Variants in RBM34 observed in about 807,000 individuals in gnomAD.
RBM34 encodes the protein RNA-binding protein 34.
A neutral mutation model predicts 44.6 loss-of-function variants in RBM34; 39 were observed. The observed-to-expected ratio is 0.87, with a 90% CI of 0.68 to 1.14. The LOEUF is 1.14. RBM34 is among the 50% of genes most tolerant of loss of function. The probability of loss-of-function intolerance (pLI) is 0.00; values close to 1 mark genes in which losing one functional copy is unlikely to be tolerated. For missense variants in RBM34, 572 were observed against 517.9 expected (o/e 1.10, Z -1.01); for synonymous variants, 194 against 184.0 (o/e 1.05, Z -0.44).
intron 6 of RBM34, among the ~76,000 whole-genome samples, chr1:235,146,542 G>C (rs532298029): frequency 6.6e-6 from 1 of 152,296 alleles, no homozygotes; most frequent in South Asian, 2.1e-4. Flanking sequence ...GATGTCTCTA[G>C]AAGCTTACAT....
At chr1:235,132,411 C>T (rs1439072290) in intron 10 of RBM34, among the ~76,000 whole-genome samples, 3 of 152,130 alleles carry the variant, frequency 2.0e-5, no homozygotes, top group African/African-American at 4.8e-5. Flanking sequence ...TGAGTTCAAG[C>T]GATTCTCTTG....
Position 235,155,158 on chromosome 1 carries a change from T to G in RBM34, c.366-46A>C. On this transcript the variant is annotated intron_variant, in intron 3 of 10. Coordinates refer to ENST00000408888, the MANE Select transcript of RBM34 (RefSeq NM_015014.4). ...AATAAGCAGTAAGAGTCATGCCAGTTAGGTCTAGTATTTGACAAAGCACAG... is the reference window on the plus strand; with the variant it reads ...AATAAGCAGTAAGAGTCATGCCAGTGAGGTCTAGTATTTGACAAAGCACAG... 2.0e-6 allele frequency: 3 copies of G among 1,484,522 alleles called. 1 individual carries two copies. In the South Asian group the frequency reaches 3.5e-5, roughly 17 times the overall value. 92.0% of individuals were successfully genotyped at this position (1,484,522 alleles called of 1,614,324 possible). A position where few individuals can be genotyped will look rare whatever the true frequency, so the allele number is the denominator to read the frequency against.
intron 6 of RBM34, among the ~76,000 whole-genome samples, chr1:235,140,667 T>C (rs937418065): frequency 6.6e-6 from 1 of 152,134 alleles, no homozygotes; most frequent in African/African-American, 2.4e-5. Flanking sequence ...ACCAAAGGGC[T>C]GGGGAGTGCA....
At chr1:235,146,893 T>C (rs989899501) in intron 6 of RBM34, among the ~76,000 whole-genome samples, 1 of 152,192 alleles carries the variant, frequency 6.6e-6, no homozygotes, top group South Asian at 2.1e-4. Flanking sequence ...AGTGCTGGGA[T>C]TACAGGTGTG....
At chr1:235,140,383 C>T (rs905197671) in intron 6 of RBM34, among the ~76,000 whole-genome samples, 7 of 152,126 alleles carry the variant, frequency 4.6e-5, no homozygotes, top group Non-Finnish European at 7.4e-5. Flanking sequence ...TCGGAGCAGC[C>T]GGCCGGCCCT....
intron 3 of RBM34, among the ~76,000 whole-genome samples, chr1:235,157,502 T>C (rs1662501984): frequency 6.6e-6 from 1 of 151,852 alleles, no homozygotes; most frequent in Admixed American, 6.6e-5. Flanking sequence ...TCTTACCTGG[T>C]GGTACATATG....
chr1:235,153,518 G>A (rs968974304), intron 4 of RBM34, among the ~76,000 whole-genome samples: 1 of 151,538 alleles, frequency 6.6e-6, no homozygotes, highest in African/African-American at 2.4e-5. Context: ...TCCCCCTCCT[G>A]GGTTCAAGCA....
chr1:235,131,868 C>A lies in RBM34; in HGVS notation c.1138G>T (p.Val380Phe). 6.2e-7 allele frequency: 1 copy of A among 1,614,144 alleles called. No homozygotes were observed. The highest frequency in any genetic ancestry group is 2.2e-5 in the East Asian group (1 of 44,874). ...TTAAGTCCCTGCTTAGGTTTACTGA[C>A]ATTCTTCAATCGTGGATTTGAATTT... Reference protein sequence around the residue: ...QQNSNPRLKNVSKPKQGLNFT... With the variant: ...QQNSNPRLKNFSKPKQGLNFT... Residue 380 changes from valine (V) to phenylalanine (F), a missense_variant, in exon 11 of 11, where the codon GTC (valine) becomes TTC (phenylalanine). Physicochemically the swap from Val to Phe is conservative, Grantham distance 50. Coordinates refer to ENST00000408888, the MANE Select transcript of RBM34 (RefSeq NM_015014.4).
chr1:235,146,160 C>T (rs1661899658), intron 6 of RBM34, among the ~76,000 whole-genome samples: 1 of 151,410 alleles, frequency 6.6e-6, no homozygotes, highest in African/African-American at 2.4e-5. Flanking sequence ...TGCCATTTTG[C>T]CCAGGGAGGT....
In RBM34 at chr1:235,148,422, T is replaced by C. The variant is rs1662001401; in HGVS notation, c.683A>G (p.Lys228Arg). 6.3e-7 allele frequency: 1 copy of C among 1,598,884 alleles called. No homozygotes were observed. Among genetic ancestry groups the C allele is most frequent in the Non-Finnish European group, 8.5e-7 (1 of 1,173,862 alleles). The change falls in exon 6 of 11, where the codon AAA (lysine) becomes AGA (arginine). Residue 228 changes from lysine (K) to arginine (R), a missense_variant. Transcript: ENST00000408888. Reference sequence around the variant, plus strand: ...AACTTACTTTATTGCTGCCAACTTTTTGGATAGCGTTCCCTCTGCTGGAAT... The same window carrying C: ...AACTTACTTTATTGCTGCCAACTTTCTGGATAGCGTTCCCTCTGCTGGAAT... ...SLIPAEGTLS[K>R]KLAAIKRKIH...
At chr1:235,157,550 T>TA (rs2102864787) in intron 3 of RBM34, among the ~76,000 whole-genome samples, 1 of 151,184 alleles carries the variant, frequency 6.6e-6, no homozygotes, top group East Asian at 1.9e-4. Flanking sequence ...CAAACAAACA[T>TA]ACATGTCTGG....
rs1662714941 is a variant in RBM34, at chr1:235,161,247, G to A, written c.-21C>T. The A allele has an allele frequency of 1.2e-6, 2 of 1,613,036 alleles. No homozygotes were observed. Among genetic ancestry groups the A allele is most frequent in the Admixed American group, 1.7e-5 (1 of 59,956 alleles). ...GCCATTCTTACTCCAAAGACTCCCAGACTGCAGCTGCGCGCCAGCTCGCAC... is the reference window on the plus strand; with the variant it reads ...GCCATTCTTACTCCAAAGACTCCCAAACTGCAGCTGCGCGCCAGCTCGCAC... On this transcript the variant is annotated 5_prime_UTR_variant, in exon 1 of 11. Transcript: ENST00000408888.
At chr1:235,148,327 G>T in intron 6 of RBM34, 77 bp downstream of exon 6, 2 of 1,104,622 alleles carry the variant, frequency 1.8e-6, no homozygotes, top group Non-Finnish European at 2.6e-6. Context: ...CTATGCAATT[G>T]TTAAGAAATG....
intron 6 of RBM34, among the ~76,000 whole-genome samples, chr1:235,144,517 G>T (rs916970613): frequency 2.8e-5 from 4 of 141,466 alleles, no homozygotes; most frequent in African/African-American, 1.1e-4. Flanking sequence ...AAAAAAAAAG[G>T]TTTTAAACAT....
intron 10 of RBM34, among the ~76,000 whole-genome samples, chr1:235,133,803 T>C (rs2102822464): frequency 6.6e-6 from 1 of 152,334 alleles, no homozygotes; most frequent in Admixed American, 6.5e-5. Flanking sequence ...ATATATATAC[T>C]GTTTGCTATG....
intron 3 of RBM34, 163 bp downstream of exon 3, chr1:235,160,348 G>C (rs1432152756): frequency 1.1e-6 from 1 of 874,942 alleles, no homozygotes; most frequent in African/African-American, 1.7e-5. Context: ...TGAGTACACG[G>C]GGTTTCTTAG....
At chr1:235,142,192 T>G (rs987572653) in intron 6 of RBM34, among the ~76,000 whole-genome samples, 2 of 152,132 alleles carry the variant, frequency 1.3e-5, no homozygotes, top group Admixed American at 6.5e-5. Flanking sequence ...TCAGGTGCAC[T>G]CCTGAGACAC....
Position 235,161,212 on chromosome 1 carries a change from C to T in RBM34, c.15G>A (p.Gly5=). 1 of 1,612,128 alleles carries T rather than the reference C, an allele frequency of 6.2e-7. No individual in the cohort carries two copies. The highest frequency in any genetic ancestry group is 8.5e-7 in the Non-Finnish European group (1 of 1,179,022). Residue 5 remains glycine (G), a synonymous_variant, in exon 1 of 11, where the codon GGG becomes GGA. Transcript: ENST00000408888. MALE[G]MSKRKRKRSV... ...TTCTCTTTCTCTTCCGTTTGCTCAT[C>T]CCTTCCAAGGCCATTCTTACTCCAA...
intron 3 of RBM34, among the ~76,000 whole-genome samples, chr1:235,159,888 G>GC (rs1431121482): frequency 9.3e-5 from 14 of 149,778 alleles, no homozygotes; most frequent in African/African-American, 2.9e-4. Flanking sequence ...AAAAAGAAAC[G>GC]CAAACCAAAT....
Sources: allele counts gnomAD v4.1 joint callset (sites outside exome capture counted in the v4.1 genomes callset), GRCh38; gene constraint gnomAD v4.1.1; transcripts MANE v1.5; gene names NCBI Gene and HGNC (gene_info 2026-07-23, HGNC 2026-07-21).